Variants in TMPRSS11B observed in about 807,000 individuals in gnomAD.
TMPRSS11B encodes transmembrane protease serine 11B.
TMPRSS11B carries 53 observed loss-of-function variants against 44.7 expected under a neutral mutation model. The observed-to-expected ratio is 1.19, with a 90% confidence interval of 0.95 to 1.49. TMPRSS11B has a LOEUF of 1.49. TMPRSS11B is among the 40% of genes most tolerant of loss of function. The pLI is 0.00. For missense variants in TMPRSS11B, 526 were observed against 494.8 expected, an observed-to-expected ratio of 1.06 and a Z score of -0.60; for synonymous variants, 140 against 159.2, an observed-to-expected ratio of 0.88 and a Z score of 0.91.
chr4:68,243,678 A>G (rs1383944024), intron 1 of TMPRSS11B, among the ~76,000 whole-genome samples: 1 of 152,152 alleles, frequency 6.6e-6, no homozygotes, highest in Non-Finnish European at 1.5e-5. Context: ...AATGACTATA[A>G]AAGTGCACTG....
At chr4:68,241,095 T>C (rs1026773544) in intron 2 of TMPRSS11B, among the ~76,000 whole-genome samples, 2 of 152,174 alleles carry the variant, frequency 1.3e-5, no homozygotes, top group Admixed American at 6.6e-5. Flanking sequence ...AGTGGAATGA[T>C]GGATGTCAAA....
At chr4:68,235,344 G>T (rs1010861213) in intron 4 of TMPRSS11B, among the ~76,000 whole-genome samples, 1 of 152,116 alleles carries the variant, frequency 6.6e-6, no homozygotes, top group East Asian at 1.9e-4. Context: ...AAGTAGGTTG[G>T]TTAGGTCAGC....
intron 9 of TMPRSS11B, 132 bp from the exon 10 acceptor site, chr4:68,228,204 T>C (rs1719410499): frequency 1.5e-5 from 12 of 818,298 alleles, no homozygotes; most frequent in Non-Finnish European, 2.0e-5. Context: ...TCTGAAACCC[T>C]TAGGACTTTT....
intron 4 of TMPRSS11B, 119 bp from the exon 5 acceptor site, chr4:68,234,742 A>G (rs1719615692): frequency 5.0e-6 from 5 of 1,005,386 alleles, no homozygotes; most frequent in Non-Finnish European, 5.8e-6. Flanking sequence ...AAAGAAAAAT[A>G]TACATATACT....
chr4:68,242,578 TC>T (rs1719891321), intron 1 of TMPRSS11B, among the ~76,000 whole-genome samples: 2 of 147,548 alleles, frequency 1.4e-5, no homozygotes, highest in Admixed American at 1.4e-4. Flanking sequence ...TTTCTTTCTT[TC>T]TTTTTTTTGA....
At chr4:68,235,603 T>C (rs1010952053) in intron 4 of TMPRSS11B, among the ~76,000 whole-genome samples, 4 of 152,188 alleles carry the variant, frequency 2.6e-5, no homozygotes, top group African/African-American at 9.6e-5. Context: ...GAAACTAAAA[T>C]AGGATGTTTT....
rs776077999 is a variant in TMPRSS11B at position 68,236,161 on chromosome 4, A to G, written c.230T>C (p.Ile77Thr). ...SQASTNLSKD[I>T]ETKMLNAFQN... is the part of the protein sequence containing the mutation. ...AAATCTCTGATTTACCTTAGTCTCA[A>G]TATCTTTGCTTAGATTTGTGCTGGC... Residue 77 changes from isoleucine (I) to threonine (T), a missense_variant, in exon 3 of 10, where the codon ATT (isoleucine) becomes ACT (threonine). Physicochemically the swap from Ile to Thr is moderately conservative, Grantham distance 89. Coordinates refer to ENST00000332644, the MANE Select transcript of TMPRSS11B (RefSeq NM_182502.3). The G allele has an allele frequency of 3.1e-6, 5 of 1,607,288 alleles. No homozygotes were observed. Among genetic ancestry groups the G allele is most frequent in the Middle Eastern group, 1.7e-4 (1 of 5,962 alleles).
intron 2 of TMPRSS11B, among the ~76,000 whole-genome samples, chr4:68,237,741 T>A (rs771862182): frequency 6.6e-6 from 1 of 152,204 alleles, no homozygotes; most frequent in Non-Finnish European, 1.5e-5. Flanking sequence ...ATTACCAAGA[T>A]GCAGTGGATT....
At chr4:68,245,313 T>G (rs1719969475) in intron 1 of TMPRSS11B, among the ~76,000 whole-genome samples, 1 of 152,168 alleles carries the variant, frequency 6.6e-6, no homozygotes, top group Non-Finnish European at 1.5e-5. Flanking sequence ...AATTATATAT[T>G]TATATTCTTT....
chr4:68,242,347 ATATATAATATTATAT>A (rs2109965796), intron 1 of TMPRSS11B, among the ~76,000 whole-genome samples: 1 of 80,894 alleles, frequency 1.2e-5, no homozygotes, highest in Admixed American at 2.1e-4. Flanking sequence ...TATATATATT[ATATATAATATTATAT>A]TATATATAAT....
At chr4:68,232,692 G>A (rs1189482720) in intron 5 of TMPRSS11B, among the ~76,000 whole-genome samples, 1 of 152,146 alleles carries the variant, frequency 6.6e-6, no homozygotes, top group Non-Finnish European at 1.5e-5. Flanking sequence ...AGTGCTGTAA[G>A]AAGCTGGCAC....
rs745906681 is a variant in TMPRSS11B at position 68,229,535 on chromosome 4, T to G, written c.687-19A>C. The G allele has an allele frequency of 1.9e-6, 3 of 1,602,014 alleles. No individual in the cohort carries two copies. Among genetic ancestry groups the G allele is most frequent in the Non-Finnish European group, 2.6e-6 (3 of 1,173,136 alleles). ...ATTTTTCCTAGAGGACACAATGTAA[T>G]TAGAATACACTCAGTTGCTGGGTCA... On this transcript the variant is annotated intron_variant, in intron 7 of 9. Transcript: ENST00000332644.
intron 1 of TMPRSS11B, among the ~76,000 whole-genome samples, chr4:68,242,194 C>CATAAT (rs1210953804): frequency 2.7e-5 from 2 of 73,540 alleles, no homozygotes; most frequent in African/African-American, 1.1e-4. Context: ...CAATTAAATA[C>CATAAT]ATAATATAAT....
chr4:68,240,056 A>G (rs967984156), intron 2 of TMPRSS11B, among the ~76,000 whole-genome samples: 1 of 152,212 alleles, frequency 6.6e-6, no homozygotes, highest in African/African-American at 2.4e-5. Context: ...GTTAATCTAA[A>G]AAGTGGAAAC....
Position 68,241,769 on chromosome 4 carries a change from C to T in TMPRSS11B, c.44G>A (p.Trp15Ter). The T allele has an allele frequency of 1.2e-6, 2 of 1,613,188 alleles. No individual in the cohort carries two copies. Among genetic ancestry groups the T allele is most frequent in the Non-Finnish European group, 1.7e-6 (2 of 1,179,458 alleles). Reference sequence around the variant, plus strand: ...TCCAAGAAAAATAAAGATCGTAGTCCATAGTGGCCAAGATCTTTGGGAAGA... The same window carrying T: ...TCCAAGAAAAATAAAGATCGTAGTCTATAGTGGCCAAGATCTTTGGGAAGA... ...GISSQRSWPL[W>*]TTIFIFLGVA... Residue 15 changes from tryptophan to a stop codon, truncating the protein, a stop_gained, in exon 2 of 10, where the codon TGG becomes TAG. Coordinates refer to ENST00000332644, the MANE Select transcript of TMPRSS11B (RefSeq NM_182502.3). LOFTEE classifies it high-confidence loss of function.
At chr4:68,232,537 G>T in intron 5 of TMPRSS11B, 121 bp from the exon 6 acceptor site, 1 of 849,910 alleles carries the variant, frequency 1.2e-6, no homozygotes, top group Non-Finnish European at 1.9e-6. Flanking sequence ...TTAACTATTT[G>T]GAGTAGTTCA....
chr4:68,245,400 C>T (rs138899151), intron 1 of TMPRSS11B, 151 bp downstream of exon 1: 1 of 845,566 alleles, frequency 1.2e-6, no homozygotes, highest in African/African-American at 1.7e-5. Flanking sequence ...TTCAAAGGGT[C>T]TGTAGACCTC....
intron 6 of TMPRSS11B, among the ~76,000 whole-genome samples, chr4:68,231,649 G>T (rs1719519440): frequency 6.6e-6 from 1 of 152,088 alleles, no homozygotes. Flanking sequence ...TCTCTAAGCA[G>T]ATTCTTGAAG....
chr4:68,239,935 A>G (rs1393295547), intron 2 of TMPRSS11B, among the ~76,000 whole-genome samples: 1 of 152,246 alleles, frequency 6.6e-6, no homozygotes, highest in African/African-American at 2.4e-5. Context: ...GAAATTGGTT[A>G]TACATGTGTA....
Sources: allele counts gnomAD v4.1 joint callset (sites outside exome capture counted in the v4.1 genomes callset), GRCh38; gene constraint gnomAD v4.1.1; transcripts MANE v1.5; gene names NCBI Gene and HGNC (gene_info 2026-07-23, HGNC 2026-07-21).